Variants in ANKS1B observed in about 807,000 individuals in gnomAD.
ANKS1B encodes the protein ankyrin repeat and sterile alpha motif domain-containing protein 1B.
A neutral mutation model predicts 148.3 loss-of-function variants in ANKS1B; 36 were observed. The ratio of observed to expected loss-of-function variants is 0.24; its 90% CI spans 0.19 to 0.32. The LOEUF is 0.32. Among genes scored for constraint, ANKS1B ranks in the 10% least tolerant of loss-of-function variants. ANKS1B has a pLI of 1.00. For synonymous variants in ANKS1B, 542 were observed against 560.8 expected, an observed-to-expected ratio of 0.97 and a Z score of 0.47; for missense variants, 1,157 against 1,542.6, an observed-to-expected ratio of 0.75 and a Z score of 4.19.
intron 17 of ANKS1B, among the ~76,000 whole-genome samples, chr12:98,892,567 C>T (rs2099754890): frequency 6.6e-6 from 1 of 152,158 alleles, no homozygotes; most frequent in Non-Finnish European, 1.5e-5. Flanking sequence ...ACAAGAAATG[C>T]ATCAGAATTC....
intron 9 of ANKS1B, among the ~76,000 whole-genome samples, chr12:99,580,129 T>A (rs1188832344): frequency 6.6e-6 from 1 of 152,170 alleles, no homozygotes; most frequent in Non-Finnish European, 1.5e-5. Context: ...TTGTCACTTA[T>A]AAGTGACAGC....
chr12:99,279,157 T>C (rs1178313563), intron 12 of ANKS1B, among the ~76,000 whole-genome samples: 2 of 152,218 alleles, frequency 1.3e-5, no homozygotes, highest in Admixed American at 1.3e-4. Flanking sequence ...ACTATCCTCC[T>C]GCCTTTGTCC....
intron 17 of ANKS1B, among the ~76,000 whole-genome samples, chr12:99,046,808 A>G (rs981405032): frequency 1.6e-5 from 1 of 62,442 alleles, no homozygotes; most frequent in Non-Finnish European, 3.9e-5. Context: ...ACTCTGTCTT[A>G]AAAAAAAAGA....
chr12:98,878,698 G>A (rs1187812574), intron 17 of ANKS1B, among the ~76,000 whole-genome samples: 2 of 152,120 alleles, frequency 1.3e-5, no homozygotes. Context: ...TATTTAATGC[G>A]ATCACTTTGG....
chr12:99,331,526 T>C (rs1260300320), intron 12 of ANKS1B, among the ~76,000 whole-genome samples: 1 of 151,990 alleles, frequency 6.6e-6, no homozygotes, highest in African/African-American at 2.4e-5. Flanking sequence ...CCCTACAGTT[T>C]AAAATCCTGA....
At chr12:98,863,897 T>C (rs2099611733) in intron 17 of ANKS1B, among the ~76,000 whole-genome samples, 1 of 152,232 alleles carries the variant, frequency 6.6e-6, no homozygotes, top group Non-Finnish European at 1.5e-5. Flanking sequence ...AAATACCTTT[T>C]AATAGTCTGT....
chr12:99,879,836 AC>A (rs2092365953), intron 1 of ANKS1B, among the ~76,000 whole-genome samples: 1 of 152,188 alleles, frequency 6.6e-6, no homozygotes, highest in Admixed American at 6.5e-5. Context: ...TGAATTTAAA[AC>A]TTGAAGACAT....
At chr12:99,541,498 A>G (rs982413843) in intron 9 of ANKS1B, among the ~76,000 whole-genome samples, 2 of 152,200 alleles carry the variant, frequency 1.3e-5, no homozygotes, top group African/African-American at 4.8e-5. Flanking sequence ...CATACACTAT[A>G]TTAATAGAAT....
chr12:99,372,438 A>G (rs996303067), intron 12 of ANKS1B, among the ~76,000 whole-genome samples: 3 of 152,178 alleles, frequency 2.0e-5, no homozygotes, highest in African/African-American at 7.2e-5. Context: ...GTTTGTAATT[A>G]GTCAGAATAT....
rs143942709 is a variant in ANKS1B at position 99,593,242 on chromosome 12, T to TGG, written c.1272+61823_1272+61824dup. Among the ~76,000 whole-genome samples the TGG allele has an allele frequency of 6.3e-3, 961 of 151,792 alleles. 9 individuals are homozygous for TGG. Among genetic ancestry groups the TGG allele is most frequent in the African/African-American group, 0.022 (898 of 41,360 alleles). ...AGAGGTCCATTCAGATGGTTGGGGT[T>TGG]GGGGGGGTCTTATAATTTTATTTTT... On this transcript the variant is annotated intron_variant, in intron 9 of 26. Transcript: ENST00000683438.
intron 17 of ANKS1B, among the ~76,000 whole-genome samples, chr12:98,888,697 C>T (rs1024808940): frequency 2.0e-5 from 3 of 152,198 alleles, no homozygotes; most frequent in African/African-American, 4.8e-5. Context: ...CTCCGTATAG[C>T]TGGTTCCTTC....
chr12:99,619,422 A>T (rs936131908), intron 9 of ANKS1B, among the ~76,000 whole-genome samples: 1 of 151,946 alleles, frequency 6.6e-6, no homozygotes, highest in Non-Finnish European at 1.5e-5. Flanking sequence ...GAGACACCCT[A>T]GTCTTCCTGC....
intron 9 of ANKS1B, among the ~76,000 whole-genome samples, chr12:99,620,912 C>T (rs1284893056): frequency 6.6e-6 from 1 of 152,070 alleles, no homozygotes; most frequent in Non-Finnish European, 1.5e-5. Flanking sequence ...CAGAGAACAC[C>T]TGCAAGATAC....
intron 1 of ANKS1B, among the ~76,000 whole-genome samples, chr12:99,876,475 C>A (rs1374033448): frequency 6.6e-6 from 1 of 152,106 alleles, no homozygotes; most frequent in Non-Finnish European, 1.5e-5. Context: ...GTAATCCTAG[C>A]ACTTTGGGAG....
At chr12:99,910,826 G>A (rs1251876901) in intron 1 of ANKS1B, among the ~76,000 whole-genome samples, 1 of 152,058 alleles carries the variant, frequency 6.6e-6, no homozygotes, top group Non-Finnish European at 1.5e-5. Context: ...TTATCAGCCT[G>A]CAGTTTATCC....
chr12:99,371,982 G>A (rs2093160554), intron 12 of ANKS1B, among the ~76,000 whole-genome samples: 1 of 152,056 alleles, frequency 6.6e-6, no homozygotes, highest in Non-Finnish European at 1.5e-5. Context: ...GTGACACAGA[G>A]GGATGACTAG....
intron 15 of ANKS1B, among the ~76,000 whole-genome samples, chr12:99,122,620 A>T (rs903464682): frequency 6.6e-6 from 1 of 152,216 alleles, no homozygotes; most frequent in Non-Finnish European, 1.5e-5. Flanking sequence ...ATGTCTAATC[A>T]ATTCAGAAAA....
intron 4 of ANKS1B, among the ~76,000 whole-genome samples, chr12:99,783,686 T>C (rs1381107898): frequency 1.3e-5 from 2 of 151,970 alleles, no homozygotes; most frequent in Non-Finnish European, 2.9e-5. Context: ...GTTGGACCCA[T>C]AGAAGTAGAG....
intron 16 of ANKS1B, among the ~76,000 whole-genome samples, 152 bp from the exon 17 acceptor site, chr12:99,053,461 T>C (rs977302733): frequency 2.0e-5 from 3 of 152,248 alleles, no homozygotes; most frequent in Non-Finnish European, 4.4e-5. Flanking sequence ...TGATGTGTTT[T>C]CACAATTCTA....
Sources: gnomAD v4.1 joint callset for allele counts (sites outside exome capture counted in the v4.1 genomes callset) on GRCh38, gnomAD v4.1.1 for gene constraint, MANE v1.5 for transcripts, NCBI Gene and HGNC (gene_info 2026-07-23, HGNC 2026-07-21) for gene names.